The following KCNQ3 variants were observed in gnomAD, a reference collection of about 807,000 sequenced individuals.
KCNQ3 encodes potassium voltage-gated channel subfamily KQT member 3.
A neutral mutation model predicts 92.5 loss-of-function variants in KCNQ3; 30 were observed. The ratio of observed to expected loss-of-function variants is 0.32; its 90% CI spans 0.24 to 0.44. The LOEUF is 0.44. Ranked by LOEUF, KCNQ3 falls within the 20% of genes least tolerant of loss-of-function variation. The pLI is 1.00. For missense variants in KCNQ3, 913 were observed against 1,140.3 expected, an observed-to-expected ratio of 0.80 and a Z score of 2.87; for synonymous variants, 450 against 468.8, an observed-to-expected ratio of 0.96 and a Z score of 0.52.
intron 1 of KCNQ3, among the ~76,000 whole-genome samples, chr8:132,394,558 T>C (rs1820142288): frequency 6.6e-6 from 1 of 152,094 alleles, no homozygotes; most frequent in Admixed American, 6.5e-5. Context: ...CTGATCACCC[T>C]TGAAGGACCT....
chr8:132,287,890 T>A (rs535950869), intron 1 of KCNQ3, among the ~76,000 whole-genome samples: 2 of 152,190 alleles, frequency 1.3e-5, no homozygotes, highest in African/African-American at 4.8e-5. Flanking sequence ...ACATTATGCA[T>A]GTAGTGCCAC....
chr8:132,286,668 T>A (rs1816686951), intron 1 of KCNQ3, among the ~76,000 whole-genome samples: 1 of 152,112 alleles, frequency 6.6e-6, no homozygotes. Context: ...AGGACACGAA[T>A]TTTGGGGGTC....
At chr8:132,398,391 G>T (rs141446562) in intron 1 of KCNQ3, among the ~76,000 whole-genome samples, 21 of 152,196 alleles carry the variant, frequency 1.4e-4, no homozygotes, top group African/African-American at 5.1e-4. Context: ...GAATCAGATA[G>T]AATAGAAAGA....
rs1313746513 is a variant in KCNQ3 at position 132,126,628 on chromosome 8, C to T, written c.*2634G>A. The T allele has an allele frequency of 6.6e-6, 1 of 151,908 alleles. No individual in the cohort carries two copies. Among genetic ancestry groups the T allele is most frequent in the Non-Finnish European group, 1.5e-5 (1 of 68,004 alleles). The allele number at this position is 151,908 out of a possible 1,614,324, so 9.4% of individuals were successfully genotyped here. ...TGTCTATACTGATAAAGACAACTTA[C>T]TAGATGTTAGACAATCAATACTTCC... On this transcript the variant is annotated 3_prime_UTR_variant, in exon 15 of 15. Transcript: ENST00000388996.
chr8:132,184,934 A>T (rs1449830723), intron 2 of KCNQ3, among the ~76,000 whole-genome samples: 1 of 152,236 alleles, frequency 6.6e-6, no homozygotes, highest in Non-Finnish European at 1.5e-5. Flanking sequence ...AAGGGATCTC[A>T]GGCTCAAGTA....
At chr8:132,246,318 G>C (rs1405697592) in intron 1 of KCNQ3, among the ~76,000 whole-genome samples, 4 of 152,218 alleles carry the variant, frequency 2.6e-5, no homozygotes, top group Non-Finnish European at 5.9e-5. Context: ...CTACATGAGA[G>C]AAGGAACATG....
At chr8:132,420,581 C>T (rs765951704) in intron 1 of KCNQ3, among the ~76,000 whole-genome samples, 1 of 152,186 alleles carries the variant, frequency 6.6e-6, no homozygotes, top group Non-Finnish European at 1.5e-5. Context: ...AACCAGATCC[C>T]AGGCAGCACA....
chr8:132,430,257 A>C (rs970521826), intron 1 of KCNQ3, among the ~76,000 whole-genome samples: 1 of 152,252 alleles, frequency 6.6e-6, no homozygotes, highest in Admixed American at 6.5e-5. Flanking sequence ...TTCCCATCCA[A>C]GACCAAGTAA....
rs181168249 is a variant in KCNQ3, at chr8:132,462,313, T to A, written c.386+17834A>T. On this transcript the variant is annotated intron_variant, in intron 1 of 14. Coordinates refer to ENST00000388996, the MANE Select transcript of KCNQ3 (RefSeq NM_004519.4). Reference sequence around the variant, plus strand: ...TCCTGGATTCTCATGCCTCAGCCACTCGAGTAGCTGGGATTACAGGTGCCC... The same window carrying A: ...TCCTGGATTCTCATGCCTCAGCCACACGAGTAGCTGGGATTACAGGTGCCC... Among the ~76,000 whole-genome samples, 481 of 152,086 alleles carry A rather than the reference T, an allele frequency of 3.2e-3. 3 individuals carry two copies. Among genetic ancestry groups the A allele is most frequent in the African/African-American group, 0.011 (456 of 41,490 alleles).
chr8:132,461,789 T>C (rs1822067296), intron 1 of KCNQ3, among the ~76,000 whole-genome samples: 1 of 152,236 alleles, frequency 6.6e-6, no homozygotes, highest in Non-Finnish European at 1.5e-5. Context: ...ATATTCAGCA[T>C]CATTTCATCT....
intron 7 of KCNQ3, among the ~76,000 whole-genome samples, chr8:132,171,582 A>G (rs1451764865): frequency 6.6e-6 from 1 of 152,202 alleles, no homozygotes; most frequent in Admixed American, 6.5e-5. Flanking sequence ...TGCATGTCCA[A>G]CATCCTCTGG....
At chr8:132,175,786 G>T (rs1826528528) in intron 4 of KCNQ3, among the ~76,000 whole-genome samples, 178 bp from the exon 5 acceptor site, 1 of 152,192 alleles carries the variant, frequency 6.6e-6, no homozygotes, top group Non-Finnish European at 1.5e-5. Context: ...TAACATGGTA[G>T]TTATTTCATC....
intron 1 of KCNQ3, among the ~76,000 whole-genome samples, chr8:132,337,482 C>T (rs1281469202): frequency 3.3e-5 from 5 of 151,806 alleles, no homozygotes; most frequent in Admixed American, 2.6e-4. Flanking sequence ...CCAGCCTGGG[C>T]GACAGAGCAA....
intron 1 of KCNQ3, among the ~76,000 whole-genome samples, chr8:132,313,656 G>C (rs1817660630): frequency 1.3e-5 from 2 of 152,140 alleles, no homozygotes. Flanking sequence ...TGAGCTATGA[G>C]ATGGGATCCA....
intron 1 of KCNQ3, among the ~76,000 whole-genome samples, chr8:132,430,864 T>C (rs1337105100): frequency 6.6e-6 from 1 of 152,188 alleles, no homozygotes; most frequent in Non-Finnish European, 1.5e-5. Flanking sequence ...TTGTCCCTGA[T>C]GTCTCCTTGG....
At chr8:132,420,939 A>T (rs1314072041) in intron 1 of KCNQ3, among the ~76,000 whole-genome samples, 2 of 152,220 alleles carry the variant, frequency 1.3e-5, no homozygotes, top group Non-Finnish European at 2.9e-5. Flanking sequence ...AAAACAAAAA[A>T]GTTGCTTGGG....
At position 132,212,079 on chromosome 8, in the gene KCNQ3, G is replaced by C. The variant is rs558413096; in HGVS notation, c.387-25898C>G. ...GACCCCCTGGGCTTAGCTACATCAG[G>C]ATTCACATTTTTTGCTACTTGCTGT... is the stretch of plus-strand genomic sequence containing the variant. On this transcript the variant is annotated intron_variant, in intron 1 of 14. Transcript: ENST00000388996. Among the ~76,000 whole-genome samples the C allele has an allele frequency of 1.2e-3, 189 of 152,196 alleles. 2 individuals carry two copies. The Middle Eastern group carries it at 0.014, about 11-fold the overall frequency.
intron 1 of KCNQ3, among the ~76,000 whole-genome samples, chr8:132,469,939 C>T (rs1226262615): frequency 2.6e-5 from 4 of 151,978 alleles, no homozygotes; most frequent in Non-Finnish European, 5.9e-5. Context: ...TCATCCCTGG[C>T]TGCTTAAACC....
chr8:132,467,491 G>A (rs1822200253), intron 1 of KCNQ3, among the ~76,000 whole-genome samples: 1 of 152,156 alleles, frequency 6.6e-6, no homozygotes, highest in Non-Finnish European at 1.5e-5. Context: ...ACTCTTGGTA[G>A]AGAACTAGAT....
Sources: allele counts gnomAD v4.1 joint callset (sites outside exome capture counted in the v4.1 genomes callset), GRCh38; gene constraint gnomAD v4.1.1; transcripts MANE v1.5; gene names NCBI Gene and HGNC (gene_info 2026-07-23, HGNC 2026-07-21).